FLNB: variants seen among roughly 807,000 people sequenced by gnomAD.
FLNB encodes the protein filamin B.
In FLNB, 111 loss-of-function variants were observed where a neutral mutation model predicts 250.6. The ratio of observed to expected loss-of-function variants is 0.44; its 90% confidence interval spans 0.38 to 0.52. The LOEUF is 0.52. Among genes scored for constraint, FLNB ranks in the 20% least tolerant of loss-of-function variants. The probability of loss-of-function intolerance (pLI) is 0.00; values close to 1 mark genes in which losing one functional copy is unlikely to be tolerated. For synonymous variants in FLNB, 1,302 were observed against 1,372.1 expected, an observed-to-expected ratio of 0.95 and a Z score of 1.13; for missense variants, 2,869 against 3,447.8, an observed-to-expected ratio of 0.83 and a Z score of 4.20.
chr3:58,064,725 A>AG (rs2097183082), intron 1 of FLNB, among the ~76,000 whole-genome samples: 1 of 151,972 alleles, frequency 6.6e-6, no homozygotes, highest in Non-Finnish European at 1.5e-5. Context: ...TAGAATCCCC[A>AG]GTTCCAGCCA....
At chr3:58,051,866 G>T (rs1184833313) in intron 1 of FLNB, among the ~76,000 whole-genome samples, 6 of 152,050 alleles carry the variant, frequency 3.9e-5, no homozygotes, top group Non-Finnish European at 5.9e-5. Context: ...CTGGATGGAT[G>T]CGGTCAGGGG....
At chr3:58,108,635 C>A in intron 13 of FLNB, 64 bp downstream of exon 13, 1 of 996,076 alleles carries the variant, frequency 1.0e-6, no homozygotes, top group Non-Finnish European at 1.6e-6. Context: ...CACGTAATGG[C>A]AAGTTGCTGA....
rs752979012 is a variant in FLNB, at chr3:58,169,581, G to A, written c.7418-9G>A. 7 of 1,612,594 alleles carry A rather than the reference G, an allele frequency of 4.3e-6. No homozygotes were observed. The highest frequency in any genetic ancestry group is 2.2e-5 in the East Asian group (1 of 44,892). On this transcript the variant is annotated splice_polypyrimidine_tract_variant and intron_variant, in intron 44 of 45. Transcript: ENST00000295956. The surrounding 1 kb of genome is among the most constrained non-coding windows in gnomAD (Gnocchi z 4.8). ...ATTCATGCCTGTCCCCCTCCCTCCT[G>A]TATCTTAGGCCAGCGTCTAGTTAGC...
Position 58,109,321 on chromosome 3 carries a change from G to C in FLNB, c.2198G>C (p.Arg733Thr). The change falls in exon 14 of 46, where the codon AGG (arginine) becomes ACG (threonine). Residue 733 changes from arginine to threonine, a missense_variant and splice_region_variant. Arg to Thr is a moderately conservative substitution (Grantham distance 71). Around this residue, in one of 5 missense-constraint regions of FLNB, gnomAD observed 1,348 missense variants for 1,466.7 expected, o/e 0.92. Transcript: ENST00000295956. ...GTGAACATCCCGCACAGCCCCTACAGGGTAGGTTGTGAGGCAGAATCCTGG... is the reference window on the plus strand; with the variant it reads ...GTGAACATCCCGCACAGCCCCTACACGGTAGGTTGTGAGGCAGAATCCTGG... ...GGVNIPHSPY[R>T]VNIGQGSHPQ... The C allele has an allele frequency of 6.2e-7, 1 of 1,613,312 alleles. No individual in the cohort carries two copies. The highest frequency in any genetic ancestry group is 8.5e-7 in the Non-Finnish European group (1 of 1,179,642).
rs754049944 is a variant in FLNB at position 58,148,348 on chromosome 3, G to T, written c.5871G>T (p.Leu1957=). 6.2e-7 allele frequency: 1 copy of T among 1,613,764 alleles called. No individual in the cohort carries two copies. The highest frequency in any genetic ancestry group is 1.3e-5 in the African/African-American group (1 of 75,040). ...ACGAGCCCTGTCTCCTGAAGAGGCT[G>T]CCCAACAACCACATTGGTGAGCTAG... The part of the protein sequence containing the change: ...GRDEPCLLKR[L]PNNHIGISFI... The change falls in exon 35 of 46, where the codon CTG becomes CTT. Residue 1957 remains leucine (L), a synonymous_variant. Transcript: ENST00000295956.
chr3:58,074,935 A>G (rs2097199624), intron 1 of FLNB, among the ~76,000 whole-genome samples: 1 of 152,114 alleles, frequency 6.6e-6, no homozygotes, highest in Non-Finnish European at 1.5e-5. Context: ...CTGAATCTGC[A>G]CCTGCAAAAT....
At position 58,122,593 on chromosome 3, in the gene FLNB, T is replaced by A. The variant is rs551645837; in HGVS notation, c.3127-500T>A. Among the ~76,000 whole-genome samples the A allele has an allele frequency of 8.5e-5, 13 of 152,342 alleles. No individual in the cohort carries two copies. The South Asian group carries it at 2.7e-3, about 32-fold the overall frequency. On this transcript the variant is annotated intron_variant, in intron 20 of 45. Transcript: ENST00000295956. ...AGTGGTCTCAATGGTGTGAATCCTA[T>A]GAAGGTGTCTTATTTGTTGAATTAG...
rs776636352 is a variant in FLNB, at chr3:58,123,285, T to A, written c.3319T>A (p.Tyr1107Asn). The A allele has an allele frequency of 6.2e-7, 1 of 1,613,894 alleles. No individual in the cohort carries two copies. The highest frequency in any genetic ancestry group is 1.1e-5 in the South Asian group (1 of 91,058). ...VSYLPTKPGE[Y>N]FVNILFEEVH... ...TTACCTTCCCACAAAACCCGGGGAG[T>A]ACTTCGTCAACATCCTCTTTGAAGA... The change falls in exon 21 of 46, where the codon TAC (tyrosine) becomes AAC (asparagine). Residue 1107 changes from tyrosine to asparagine, a missense_variant. Tyr to Asn is a moderately radical substitution (Grantham distance 143). Around this residue, in one of 5 missense-constraint regions of FLNB, gnomAD observed 1,348 missense variants for 1,466.7 expected, o/e 0.92. Coordinates refer to ENST00000295956, the MANE Select transcript of FLNB (RefSeq NM_001457.4).
intron 24 of FLNB, 121 bp from the exon 25 acceptor site, chr3:58,130,620 G>A: frequency 2.2e-6 from 2 of 892,930 alleles, no homozygotes; most frequent in Admixed American, 4.1e-5. Flanking sequence ...AGTGAGGCAG[G>A]GGGAGCTGAC....
rs2097243971 is a variant in FLNB, at chr3:58,098,855, T to A, written c.1292T>A (p.Phe431Tyr). The change falls in exon 8 of 46, where the codon TTC (phenylalanine) becomes TAC (tyrosine). Residue 431 changes from phenylalanine (F) to tyrosine (Y), a missense_variant. This residue lies in a region of FLNB where 1,348 missense variants were observed against 1,466.7 expected (regional missense o/e 0.92). Coordinates refer to ENST00000295956, the MANE Select transcript of FLNB (RefSeq NM_001457.4). ...CCTGGCCCTCACGTGGTCAAGATCT[T>A]CTTTGCTGGGGACACTATTCCTAAG... ...MQPGPHVVKI[F>Y]FAGDTIPKSP... The A allele has an allele frequency of 6.2e-7, 1 of 1,614,096 alleles. No individual in the cohort carries two copies. Among genetic ancestry groups the A allele is most frequent in the Non-Finnish European group, 8.5e-7 (1 of 1,180,010 alleles).
intron 1 of FLNB, among the ~76,000 whole-genome samples, chr3:58,023,028 C>T (rs2097116368): frequency 6.6e-6 from 1 of 151,552 alleles, no homozygotes; most frequent in South Asian, 2.1e-4. Context: ...GTTGGCCAGC[C>T]TGGTCCTGAA....
In FLNB at chr3:58,095,536, G is replaced by T. The variant is rs534891396; in HGVS notation, c.906+582G>T. On this transcript the variant is annotated intron_variant, in intron 5 of 45. Coordinates refer to ENST00000295956, the MANE Select transcript of FLNB (RefSeq NM_001457.4). ...CTCCCAAACTGCTGGGATTACAGGTGTGAGCCACCGTGCCCAGCCTCAGTT... is the reference window on the plus strand; with the variant it reads ...CTCCCAAACTGCTGGGATTACAGGTTTGAGCCACCGTGCCCAGCCTCAGTT... Among the ~76,000 whole-genome samples the T allele has an allele frequency of 3.3e-3, 501 of 152,266 alleles. 1 individual carries two copies. Among genetic ancestry groups the T allele is most frequent in the African/African-American group, 0.012 (478 of 41,556 alleles).
chr3:58,010,895 C>T lies in FLNB; in HGVS notation c.292+2039C>T, dbSNP rs546776192. On this transcript the variant is annotated intron_variant, in intron 1 of 45. Coordinates refer to ENST00000295956, the MANE Select transcript of FLNB (RefSeq NM_001457.4). ...GTCTACATTTTTTTACATGGTTCTCCTGATTCCCTGCTCCCCCTCCCCACC... is the reference window on the plus strand; with the variant it reads ...GTCTACATTTTTTTACATGGTTCTCTTGATTCCCTGCTCCCCCTCCCCACC... 9.9e-5 allele frequency among the ~76,000 whole-genome samples: 15 copies of T among 152,142 alleles called. No homozygotes were observed. In the East Asian group the frequency reaches 2.7e-3, roughly 28 times the overall value.
intron 4 of FLNB, among the ~76,000 whole-genome samples, chr3:58,086,762 C>T (rs1238568344): frequency 2.0e-5 from 3 of 152,256 alleles, no homozygotes; most frequent in East Asian, 1.9e-4. Flanking sequence ...ACTTAAGAGA[C>T]TTAGCAACCA....
At position 58,146,008 on chromosome 3, in the gene FLNB, A is replaced by G. The variant is rs2097335285; in HGVS notation, c.5513A>G (p.Lys1838Arg). Reference protein sequence around the residue: ...GPGLVYGVANKTATFTIVTED... With the variant: ...GPGLVYGVANRTATFTIVTED... ...GGCCTCGTGTATGGAGTGGCCAACA[A>G]AACTGCCACCTTCACCATCGTCACA... is the stretch of plus-strand genomic sequence containing the variant. Residue 1838 changes from lysine (K) to arginine (R), a missense_variant, in exon 33 of 46, where the codon AAA (lysine) becomes AGA (arginine). Lys to Arg is a conservative substitution (Grantham distance 26, BLOSUM62 2). Around this residue, in one of 5 missense-constraint regions of FLNB, gnomAD observed 1,084 missense variants for 1,315.5 expected, o/e 0.82. Transcript: ENST00000295956. 3 of 1,614,114 alleles carry G rather than the reference A, an allele frequency of 1.9e-6. No homozygotes were observed. The highest frequency in any genetic ancestry group is 1.7e-5 in the Admixed American group (1 of 60,006).
chr3:58,027,984 A>C (rs2097125744), intron 1 of FLNB, among the ~76,000 whole-genome samples: 1 of 152,200 alleles, frequency 6.6e-6, no homozygotes, highest in African/African-American at 2.4e-5. Flanking sequence ...TTAGCAAGAG[A>C]TGGAGAGGTG....
chr3:58,148,163 T>G (rs1559729360), intron 34 of FLNB, 43 bp from the exon 35 acceptor site: 1 of 1,608,028 alleles, frequency 6.2e-7, no homozygotes. Flanking sequence ...GAAGCCAGGG[T>G]AACCACATGT....
intron 1 of FLNB, 31 bp from the exon 2 acceptor site, chr3:58,077,015 G>A (rs377432290): frequency 6.2e-7 from 1 of 1,613,746 alleles, no homozygotes; most frequent in South Asian, 1.1e-5. Flanking sequence ...GTAACCCAAA[G>A]GAATGACCAA....
chr3:58,078,126 C>A (rs1383774039), intron 2 of FLNB: 4 of 269,006 alleles, frequency 1.5e-5, no homozygotes, highest in Non-Finnish European at 2.3e-5. Context: ...TACTTGAGAG[C>A]CTATAAGTTG....
Sources: gnomAD v4.1 joint callset for allele counts (sites outside exome capture counted in the v4.1 genomes callset) on GRCh38, gnomAD v4.1.1 for gene constraint, gnomAD v4.1.1 regional missense constraint, Gnocchi (gnomAD v3.1) non-coding constraint, MANE v1.5 for transcripts, NCBI Gene and HGNC (gene_info 2026-07-23, HGNC 2026-07-21) for gene names.